ARHGEF16: variants seen among roughly 807,000 people sequenced by gnomAD.
ARHGEF16 encodes the protein Rho guanine nucleotide exchange factor 16.
In ARHGEF16, 59 loss-of-function variants were observed where a neutral mutation model predicts 74.1. The ratio of observed to expected loss-of-function variants is 0.80; its 90% CI spans 0.65 to 0.99. ARHGEF16 has a LOEUF of 0.99. ARHGEF16 is among the 50% of genes least tolerant of loss of function. The pLI, the probability that ARHGEF16 is intolerant of heterozygous loss-of-function variation, is 0.00. For synonymous variants in ARHGEF16, 415 were observed against 412.6 expected (o/e 1.01, Z -0.07); for missense variants, 948 against 986.6 (o/e 0.96, Z 0.52).
At position 3,476,066 on chromosome 1, in the gene ARHGEF16, G is replaced by C. The variant is rs1185957269; in HGVS notation, c.1473+4G>C. On this transcript the variant is annotated splice_donor_region_variant and intron_variant, in intron 10 of 14. Coordinates refer to ENST00000378378, the MANE Select transcript of ARHGEF16 (RefSeq NM_014448.4). ...GCTGGACTTCAGCAAGGTCAAGGTA[G>C]GTGGCCCCGGACATCAGGGCCACTC... is the stretch of plus-strand genomic sequence containing the variant. 3.2e-6 allele frequency: 5 copies of C among 1,549,984 alleles called. No homozygotes were observed. The highest frequency in any genetic ancestry group is 3.5e-6 in the Non-Finnish European group (4 of 1,146,636).
chr1:3,460,897 A>C (rs1199903060), intron 1 of ARHGEF16, among the ~76,000 whole-genome samples: 1 of 151,862 alleles, frequency 6.6e-6, no homozygotes, highest in Non-Finnish European at 1.5e-5. Flanking sequence ...TTTAGCAGAG[A>C]ATTTGTGTCC....
In ARHGEF16 at chr1:3,463,674, T is replaced by A; in HGVS notation, c.588+2T>A. The A allele has an allele frequency of 7.1e-7, 1 of 1,410,614 alleles. No individual in the cohort carries two copies. The allele number at this position is 1,410,614 out of a possible 1,614,324, so 87.4% of individuals were successfully genotyped here. ...ACTCGGAGCCCGGCCAAAAACAAGGTAGGGGCCTGCTCGTGTGGACCGTGG... is the reference window on the plus strand; with the variant it reads ...ACTCGGAGCCCGGCCAAAAACAAGGAAGGGGCCTGCTCGTGTGGACCGTGG... On this transcript the variant is annotated splice_donor_variant, in intron 2 of 14. Transcript: ENST00000378378. LOFTEE classifies it high-confidence loss of function.
chr1:3,474,294 C>T (rs1428418096), intron 8 of ARHGEF16: 3 of 241,160 alleles, frequency 1.2e-5, no homozygotes, highest in Non-Finnish European at 1.6e-5. Flanking sequence ...CCCATACACA[C>T]AGCCCCGCAC....
chr1:3,463,634 C>T lies in ARHGEF16; in HGVS notation c.550C>T (p.Pro184Ser). 1 of 1,423,680 alleles carries T rather than the reference C, an allele frequency of 7.0e-7. No homozygotes were observed. The allele number at this position is 1,423,680 out of a possible 1,614,324, so 88.2% of individuals were successfully genotyped here. ...TAAGCTCCAGGCTCTGGCTGAGGAA[C>T]CCAGCCAGCCTCATACTCGGAGCCC... ...SPKLQALAEE[P>S]SQPHTRSPAK... The change falls in exon 2 of 15, where the codon CCC becomes TCC. Residue 184 changes from proline to serine, a missense_variant. Coordinates refer to ENST00000378378, the MANE Select transcript of ARHGEF16 (RefSeq NM_014448.4).
chr1:3,465,721 G>A (rs1197316495), intron 2 of ARHGEF16, among the ~76,000 whole-genome samples: 1 of 152,136 alleles, frequency 6.6e-6, no homozygotes, highest in Non-Finnish European at 1.5e-5. Flanking sequence ...CTGCCATCCC[G>A]GCCTCCTGCT....
intron 2 of ARHGEF16, among the ~76,000 whole-genome samples, chr1:3,465,610 T>C (rs1639520056): frequency 6.6e-6 from 1 of 152,150 alleles, no homozygotes; most frequent in African/African-American, 2.4e-5. Flanking sequence ...CCAGCATACC[T>C]GTGGCGTCAG....
At chr1:3,457,594 G>A (rs11809264) in intron 1 of ARHGEF16, among the ~76,000 whole-genome samples, 8,287 of 152,272 alleles carry the variant, frequency 0.054, 320 homozygotes, top group East Asian at 0.13. Context: ...GGAGGGCGGG[G>A]CTACAGAGCG....
chr1:3,478,214 C>G, intron 11 of ARHGEF16, 188 bp downstream of exon 11: 1 of 941,764 alleles, frequency 1.1e-6, no homozygotes, highest in Non-Finnish European at 1.6e-6. Flanking sequence ...AGCCTCTGAC[C>G]TCCTCTGCAG....
intron 1 of ARHGEF16, among the ~76,000 whole-genome samples, chr1:3,456,917 C>T (rs141223238): frequency 3.3e-5 from 5 of 152,322 alleles, no homozygotes; most frequent in Non-Finnish European, 5.9e-5. Flanking sequence ...TGCACTTCCC[C>T]GCCCCCACCG....
chr1:3,479,502 G>C lies in ARHGEF16; in HGVS notation c.1815-15G>C. 6.2e-7 allele frequency: 1 copy of C among 1,612,226 alleles called. No homozygotes were observed. Among genetic ancestry groups the C allele is most frequent in the East Asian group, 2.2e-5 (1 of 44,854 alleles). ...TCGGTCTCCAGGCCTGGCTCATGCT[G>C]TCTCTGGTCCCCAGGAGTGACCGGG... On this transcript the variant is annotated splice_polypyrimidine_tract_variant and intron_variant, in intron 12 of 14. Coordinates refer to ENST00000378378, the MANE Select transcript of ARHGEF16 (RefSeq NM_014448.4).
intron 8 of ARHGEF16, chr1:3,474,117 C>T (rs943034555): frequency 5.2e-6 from 1 of 192,710 alleles, no homozygotes; most frequent in Admixed American, 5.3e-5. Flanking sequence ...TGCACACTTG[C>T]ACACACTGCA....
intron 1 of ARHGEF16, among the ~76,000 whole-genome samples, chr1:3,462,131 G>A (rs1639412715): frequency 1.3e-5 from 2 of 152,018 alleles, no homozygotes; most frequent in South Asian, 2.1e-4. Context: ...TGTGGGGATC[G>A]GGCTACAGAG....
At position 3,474,349 on chromosome 1, in the gene ARHGEF16, T is replaced by C. The variant is rs568794088; in HGVS notation, c.1306-359T>C. The C allele has an allele frequency of 6.5e-5, 19 of 293,984 alleles. No individual in the cohort carries two copies. In the South Asian group the frequency reaches 8.6e-4, roughly 13 times the overall value. 18.2% of individuals were successfully genotyped at this position (293,984 alleles called of 1,614,324 possible). On this transcript the variant is annotated intron_variant, in intron 8 of 14. Coordinates refer to ENST00000378378, the MANE Select transcript of ARHGEF16 (RefSeq NM_014448.4). ...CTTCCTGAGGCTACACATGGCAGGG[T>C]TGCCCAAGCCAAACAGAACCTCAAA...
chr1:3,459,850 G>C (rs947645278), intron 1 of ARHGEF16, among the ~76,000 whole-genome samples: 1 of 152,068 alleles, frequency 6.6e-6, no homozygotes, highest in Non-Finnish European at 1.5e-5. Context: ...TGGAGTCCTC[G>C]TCCAACAGGC....
chr1:3,479,528 C>A lies in ARHGEF16; in HGVS notation c.1826C>A (p.Ala609Glu). 6.2e-7 allele frequency: 1 copy of A among 1,612,616 alleles called. No homozygotes were observed. The highest frequency in any genetic ancestry group is 8.5e-7 in the Non-Finnish European group (1 of 1,179,878). Reference sequence around the variant, plus strand: ...TCTCTGGTCCCCAGGAGTGACCGGGCACGGTGGATCGTGGCGCTCACACAC... The same window carrying A: ...TCTCTGGTCCCCAGGAGTGACCGGGAACGGTGGATCGTGGCGCTCACACAC... The part of the protein sequence containing the change: ...LLSSDSASDR[A>E]RWIVALTHSE... Residue 609 changes from alanine (A) to glutamate (E), a missense_variant, in exon 13 of 15, where the codon GCA (alanine) becomes GAA (glutamate). Physicochemically the swap from Ala to Glu is moderately radical, Grantham distance 107 (BLOSUM62 -1). Transcript: ENST00000378378.
At chr1:3,469,714 T>C in intron 6 of ARHGEF16, 121 bp downstream of exon 6, 1 of 1,354,054 alleles carries the variant, frequency 7.4e-7, no homozygotes, top group Admixed American at 2.2e-5. Context: ...ATGTGGATGG[T>C]TTAGAGCAGC....
At chr1:3,466,308 C>A in intron 3 of ARHGEF16, 115 bp downstream of exon 3, 1 of 1,131,708 alleles carries the variant, frequency 8.8e-7, no homozygotes, top group Non-Finnish European at 1.2e-6. Flanking sequence ...ACCAAAGCTG[C>A]TTGACAGGGT....
chr1:3,466,057 C>T (rs1340201644), intron 2 of ARHGEF16, 91 bp from the exon 3 acceptor site: 9 of 1,406,418 alleles, frequency 6.4e-6, no homozygotes, highest in Non-Finnish European at 8.8e-6. Flanking sequence ...CATGTGGAGC[C>T]GAGAGGTCTC....
chr1:3,478,890 G>A (rs919128783), intron 12 of ARHGEF16, among the ~76,000 whole-genome samples: 11 of 152,154 alleles, frequency 7.2e-5, no homozygotes, highest in African/African-American at 9.7e-5. Flanking sequence ...GGGGGGTGCC[G>A]TGAGGAAAGC....
Sources: gnomAD v4.1 joint callset for allele counts (sites outside exome capture counted in the v4.1 genomes callset) on GRCh38, gnomAD v4.1.1 for gene constraint, MANE v1.5 for transcripts, NCBI Gene and HGNC (gene_info 2026-07-23, HGNC 2026-07-21) for gene names.